The following PTPRM variants were observed in gnomAD, a reference collection of about 807,000 sequenced individuals.
PTPRM encodes the protein protein tyrosine phosphatase receptor type M, also known as receptor-type tyrosine-protein phosphatase mu.
In PTPRM, 47 loss-of-function variants were observed where a neutral mutation model predicts 186.7. The ratio of observed to expected loss-of-function variants is 0.25; its 90% CI spans 0.20 to 0.32. The LOEUF is 0.32. Ranked by LOEUF, PTPRM falls within the 10% of genes least tolerant of loss-of-function variation. PTPRM has a pLI of 1.00. For synonymous variants in PTPRM, 668 were observed against 674.9 expected (o/e 0.99, Z 0.16); for missense variants, 1,494 against 1,865.0 (o/e 0.80, Z 3.66).
intron 1 of PTPRM, among the ~76,000 whole-genome samples, chr18:7,578,888 A>G (rs1346690253): frequency 3.9e-5 from 6 of 152,246 alleles, no homozygotes; most frequent in Non-Finnish European, 4.4e-5. Context: ...CGGGTCCATC[A>G]GTCTGTTCCC....
chr18:7,706,014 T>TAC (rs1310391817), intron 1 of PTPRM, among the ~76,000 whole-genome samples: 5 of 148,096 alleles, frequency 3.4e-5, no homozygotes, highest in African/African-American at 1.2e-4. Context: ...ATAATATATA[T>TAC]ACTATAATAG....
chr18:8,297,772 A>G (rs1209191235), intron 20 of PTPRM, among the ~76,000 whole-genome samples: 6 of 152,214 alleles, frequency 3.9e-5, no homozygotes, highest in Admixed American at 1.3e-4. Context: ...AGCTGAGCAC[A>G]TGCTGCTTTC....
chr18:8,337,231 A>G (rs1355815668), intron 22 of PTPRM, among the ~76,000 whole-genome samples: 7 of 152,022 alleles, frequency 4.6e-5, no homozygotes, highest in African/African-American at 1.7e-4. Context: ...TGAGACAGGT[A>G]TGTTGCACAG....
intron 1 of PTPRM, among the ~76,000 whole-genome samples, chr18:7,599,232 A>G (rs1176507272): frequency 1.3e-5 from 2 of 152,182 alleles, no homozygotes; most frequent in African/African-American, 4.8e-5. Flanking sequence ...TGTTTTATGT[A>G]TGTTCTGAGA....
intron 14 of PTPRM, among the ~76,000 whole-genome samples, chr18:8,203,751 AAC>A (rs956258998): frequency 3.9e-5 from 6 of 152,104 alleles, no homozygotes; most frequent in African/African-American, 9.7e-5. Flanking sequence ...TGAGAAAGTA[AAC>A]ACACACACAC....
intron 11 of PTPRM, among the ~76,000 whole-genome samples, chr18:8,110,468 G>A (rs988251812): frequency 6.6e-6 from 1 of 152,152 alleles, no homozygotes; most frequent in Non-Finnish European, 1.5e-5. Flanking sequence ...AGGAAAAGAG[G>A]CAAAGATGTT....
intron 14 of PTPRM, among the ~76,000 whole-genome samples, chr18:8,181,203 T>A (rs1193189990): frequency 6.6e-6 from 1 of 152,160 alleles, no homozygotes; most frequent in Non-Finnish European, 1.5e-5. Context: ...ATGTCAGATG[T>A]TTTACTCTGA....
At chr18:8,280,325 G>A (rs2094887468) in intron 19 of PTPRM, among the ~76,000 whole-genome samples, 1 of 150,110 alleles carries the variant, frequency 6.7e-6, no homozygotes, top group African/African-American at 2.4e-5. Flanking sequence ...GTACTTCTTT[G>A]AAGGCCCCAT....
chr18:8,321,634 A>G (rs1442161528), intron 22 of PTPRM, among the ~76,000 whole-genome samples: 1 of 152,210 alleles, frequency 6.6e-6, no homozygotes, highest in Non-Finnish European at 1.5e-5. Context: ...GGAGAAGGGC[A>G]TTGACTAATG....
At chr18:8,125,996 TATATATATATATATATATATATATA>T (rs1315402411) in intron 13 of PTPRM, among the ~76,000 whole-genome samples, 9 of 13,244 alleles carry the variant, frequency 6.8e-4, no homozygotes, top group Non-Finnish European at 2.5e-3. Flanking sequence ...TATATATATA[TATATATATATATATATATATATATA>T]TATATATTTT....
chr18:7,745,356 G>A (rs770139226), intron 1 of PTPRM, among the ~76,000 whole-genome samples: 47 of 152,090 alleles, frequency 3.1e-4, no homozygotes, highest in Non-Finnish European at 6.2e-4. Context: ...CCTGCATTTG[G>A]GGCCACTTTT....
At chr18:8,019,556 GAA>G (rs2085079900) in intron 7 of PTPRM, among the ~76,000 whole-genome samples, 1 of 151,684 alleles carries the variant, frequency 6.6e-6, no homozygotes, top group African/African-American at 2.4e-5. Context: ...CAGTGGAAAA[GAA>G]AACATTTTTT....
At chr18:8,395,430 T>C (rs1214599947) in intron 32 of PTPRM, among the ~76,000 whole-genome samples, 1 of 152,146 alleles carries the variant, frequency 6.6e-6, no homozygotes, top group East Asian at 1.9e-4. Context: ...TCAAGCTGAA[T>C]TTGAGGAAGT....
chr18:7,847,124 G>T (rs2046634517), intron 2 of PTPRM, among the ~76,000 whole-genome samples: 1 of 149,186 alleles, frequency 6.7e-6, no homozygotes, highest in African/African-American at 2.5e-5. Flanking sequence ...ATTTAGAGGG[G>T]TATTCTAGTC....
At position 8,240,462 on chromosome 18, in the gene PTPRM, A is replaced by AGAGAGG. The variant is rs370263978; in HGVS notation, c.2301-3593_2301-3592insAGGGAG. Among the ~76,000 whole-genome samples, 19 of 62,064 alleles carry AGAGAGG rather than the reference A, an allele frequency of 3.1e-4. No individual in the cohort carries two copies. The Admixed American group carries it at 3.4e-3, about 11-fold the overall frequency. The allele number at this position is 62,064 out of a possible 152,430, so 40.7% of individuals were successfully genotyped here. ...AAAATAAAGAGAGAGAGAGAGAGAGAGAGGGAGGGAGGGAGGGGAGGAGAG... is the reference window on the plus strand; with the variant it reads ...AAAATAAAGAGAGAGAGAGAGAGAGAGAGAGGGAGGGAGGGAGGGAGGGGAGGAGAG... On this transcript the variant is annotated intron_variant, in intron 14 of 32. Transcript: ENST00000580170.
At chr18:7,988,945 T>C (rs2083116181) in intron 7 of PTPRM, among the ~76,000 whole-genome samples, 1 of 152,186 alleles carries the variant, frequency 6.6e-6, no homozygotes, top group Non-Finnish European at 1.5e-5. Context: ...AAATGTCAGA[T>C]TGGAGATCAA....
At chr18:7,728,379 G>T (rs1293557319) in intron 1 of PTPRM, among the ~76,000 whole-genome samples, 1 of 152,158 alleles carries the variant, frequency 6.6e-6, no homozygotes. Context: ...GCAAAGAAAA[G>T]GGTCCTGCAA....
chr18:7,923,389 G>T (rs2050982516), intron 4 of PTPRM, among the ~76,000 whole-genome samples: 1 of 152,160 alleles, frequency 6.6e-6, no homozygotes, highest in Non-Finnish European at 1.5e-5. Context: ...AGGCGGCGGG[G>T]GTTGGTCAAC....
chr18:8,361,091 C>T (rs1395611978), intron 23 of PTPRM: 1 of 152,190 alleles, frequency 6.6e-6, no homozygotes, highest in Admixed American at 6.5e-5. Context: ...CTTGTGACAA[C>T]CTAAGGAAGA....
Sources: gnomAD v4.1 joint callset for allele counts (sites outside exome capture counted in the v4.1 genomes callset) on GRCh38, gnomAD v4.1.1 for gene constraint, MANE v1.5 for transcripts, NCBI Gene and HGNC (gene_info 2026-07-23, HGNC 2026-07-21) for gene names.